Variants in UTP4 observed in about 807,000 individuals in gnomAD.
The protein encoded by UTP4 is U3 small nucleolar RNA-associated protein 4 homolog.
UTP4 carries 45 observed loss-of-function variants against 82.4 expected under a neutral mutation model. The ratio of observed to expected loss-of-function variants is 0.55; its 90% confidence interval spans 0.43 to 0.70. The LOEUF is 0.70. Among genes scored for constraint, UTP4 ranks in the 30% least tolerant of loss-of-function variants. UTP4 has a pLI of 0.00. For missense variants in UTP4, 819 were observed against 858.3 expected (o/e 0.95, Z 0.57); for synonymous variants, 348 against 300.3 (o/e 1.16, Z -1.64).
chr16:69,150,757 G>C, intron 7 of UTP4, 49 bp downstream of exon 7: 1 of 1,613,786 alleles, frequency 6.2e-7, no homozygotes, highest in Admixed American at 1.7e-5. Flanking sequence ...CCCAGTTCTG[G>C]CTGTTCTCGT....
At chr16:69,153,125 G>C (rs1351068195) in intron 8 of UTP4, among the ~76,000 whole-genome samples, 1 of 152,066 alleles carries the variant, frequency 6.6e-6, no homozygotes, top group African/African-American at 2.4e-5. Flanking sequence ...AGGTCTTTTT[G>C]TTCCCTCAAA....
chr16:69,134,297 C>G (rs963240456), intron 2 of UTP4, among the ~76,000 whole-genome samples: 1 of 150,884 alleles, frequency 6.6e-6, no homozygotes, highest in African/African-American at 2.4e-5. Flanking sequence ...TGCCCAGCAG[C>G]CTGGTACCTG....
intron 3 of UTP4, 41 bp downstream of exon 3, chr16:69,136,928 T>A: frequency 6.5e-7 from 1 of 1,546,376 alleles, no homozygotes; most frequent in Non-Finnish European, 8.9e-7. Flanking sequence ...AAAATTTCTC[T>A]CGTGCCTGCT....
intron 8 of UTP4, among the ~76,000 whole-genome samples, chr16:69,153,099 A>G (rs1963318866): frequency 6.6e-6 from 1 of 152,068 alleles, no homozygotes; most frequent in Non-Finnish European, 1.5e-5. Context: ...ACCCCCACCC[A>G]GGCTAGCCAT....
chr16:69,150,686 C>T lies in UTP4; in HGVS notation c.888C>T (p.Ser296=). The change falls in exon 7 of 17, where the codon AGC becomes AGT. Residue 296 remains serine, a synonymous_variant. Coordinates refer to ENST00000314423, the MANE Select transcript of UTP4 (RefSeq NM_032830.3). ...ATGACGTGCGCACTGTGGCCCACAG[C>T]CCAACAGCGCTGATATCTGGAGGTG... The part of the protein sequence containing the change: ...HTHDVRTVAH[S]PTALISGGTD... 1 of 1,614,214 alleles carries T rather than the reference C, an allele frequency of 6.2e-7. No individual in the cohort carries two copies. The highest frequency in any genetic ancestry group is 1.1e-5 in the South Asian group (1 of 91,084).
chr16:69,164,237 A>C (rs1963641353), intron 14 of UTP4, among the ~76,000 whole-genome samples: 1 of 152,022 alleles, frequency 6.6e-6, no homozygotes, highest in Non-Finnish European at 1.5e-5. Flanking sequence ...AAAAAGTGAA[A>C]TCTCTCAGTT....
At position 69,133,608 on chromosome 16, in the gene UTP4, T is replaced by A. The variant is rs2152275770; in HGVS notation, c.149T>A (p.Phe50Tyr). 6.2e-7 allele frequency: 1 copy of A among 1,614,104 alleles called. No homozygotes were observed. Among genetic ancestry groups the A allele is most frequent in the Admixed American group, 1.7e-5 (1 of 60,022 alleles). Residue 50 changes from phenylalanine (F) to tyrosine (Y), a missense_variant, in exon 2 of 17, where the codon TTT (phenylalanine) becomes TAT (tyrosine). Physicochemically the swap from Phe to Tyr is conservative, Grantham distance 22 (BLOSUM62 3). Coordinates refer to ENST00000314423, the MANE Select transcript of UTP4 (RefSeq NM_032830.3). The part of the protein sequence containing the change: ...VEIYNLSANY[F>Y]QEKFFPGHES... Reference sequence around the variant, plus strand: ...ATTTATAACTTGTCAGCAAACTACTTTCAGGAGAAAGTAAGTCATTTGGGA... The same window carrying A: ...ATTTATAACTTGTCAGCAAACTACTATCAGGAGAAAGTAAGTCATTTGGGA...
At chr16:69,154,567 A>G in intron 10 of UTP4, 110 bp downstream of exon 10, 2 of 864,012 alleles carry the variant, frequency 2.3e-6, no homozygotes, top group Admixed American at 1.9e-5. Flanking sequence ...TATAAATTCT[A>G]AAACTATTTG....
At chr16:69,151,393 C>G (rs1963264415) in intron 8 of UTP4, among the ~76,000 whole-genome samples, 1 of 150,740 alleles carries the variant, frequency 6.6e-6, no homozygotes, top group Non-Finnish European at 1.5e-5. Context: ...TGCGACTCCA[C>G]TCACTGCAAG....
chr16:69,132,900 T>C (rs1460353781), intron 1 of UTP4: 1 of 209,220 alleles, frequency 4.8e-6, no homozygotes, highest in Non-Finnish European at 9.7e-6. Flanking sequence ...CGAACGCGCT[T>C]GCTCTGTCTG....
chr16:69,149,183 C>A (rs1362613351), intron 6 of UTP4, among the ~76,000 whole-genome samples: 1 of 151,946 alleles, frequency 6.6e-6, no homozygotes, highest in East Asian at 1.9e-4. Context: ...AGTTTGAGAC[C>A]AGCCTGGACA....
intron 6 of UTP4, among the ~76,000 whole-genome samples, chr16:69,147,257 A>G (rs1963144069): frequency 6.6e-6 from 1 of 151,316 alleles, no homozygotes; most frequent in Non-Finnish European, 1.5e-5. Context: ...TAAACCTACC[A>G]CTTTGGGAGG....
chr16:69,163,088 C>T lies in UTP4; in HGVS notation c.1557C>T (p.His519=). Reference sequence around the variant, plus strand: ...TGTCTGTTATTTGTTCCCAGCTTCACTGCACGGTGCCTGCTTACAATTTCC... The same window carrying T: ...TGTCTGTTATTTGTTCCCAGCTTCATTGCACGGTGCCTGCTTACAATTTCC... ...HVYNVKQLKL[H]CTVPAYNFPV... Residue 519 remains histidine (H), a synonymous_variant, in exon 14 of 17, where the codon CAC becomes CAT. Coordinates refer to ENST00000314423, the MANE Select transcript of UTP4 (RefSeq NM_032830.3). The T allele has an allele frequency of 6.2e-7, 1 of 1,613,722 alleles. No homozygotes were observed. Among genetic ancestry groups the T allele is most frequent in the South Asian group, 1.1e-5 (1 of 91,066 alleles).
At chr16:69,134,508 A>G (rs1386428242) in intron 2 of UTP4, among the ~76,000 whole-genome samples, 1 of 70,082 alleles carries the variant, frequency 1.4e-5, no homozygotes, top group Non-Finnish European at 3.0e-5. Context: ...AGGGAAGGCA[A>G]TTCAGAGAAT....
In UTP4 at chr16:69,168,826, A is replaced by G; in HGVS notation, c.1950A>G (p.Leu650=). 1 of 1,604,000 alleles carries G rather than the reference A, an allele frequency of 6.2e-7. No individual in the cohort carries two copies. Among genetic ancestry groups the G allele is most frequent in the Non-Finnish European group, 8.5e-7 (1 of 1,170,970 alleles). Reference sequence around the variant, plus strand: ...TAATTATCATCCCTCTGCAGCCTCTACTCTTCATGGATCTTTTGGATGAAA... The same window carrying G: ...TAATTATCATCCCTCTGCAGCCTCTGCTCTTCATGGATCTTTTGGATGAAA... ...AFKISKIYKP[L]LFMDLLDERT... The change falls in exon 17 of 17, where the codon CTA becomes CTG. Residue 650 remains leucine (L), a synonymous_variant. Coordinates refer to ENST00000314423, the MANE Select transcript of UTP4 (RefSeq NM_032830.3).
chr16:69,147,602 A>G (rs574175965), intron 6 of UTP4, among the ~76,000 whole-genome samples: 1 of 152,288 alleles, frequency 6.6e-6, no homozygotes, highest in South Asian at 2.1e-4. Flanking sequence ...TGGAACCAGA[A>G]GTGTTTCAGA....
rs2152280347 is a variant in UTP4 at position 69,150,905 on chromosome 16, G to A, written c.1002+1G>A. ...TCTCCGAAAAATCACCTTTCCCCACGTAAGTGTCCATTCCAAGCCCCTGCT... is the reference window on the plus strand; with the variant it reads ...TCTCCGAAAAATCACCTTTCCCCACATAAGTGTCCATTCCAAGCCCCTGCT... On this transcript the variant is annotated splice_donor_variant, in intron 8 of 16. Transcript: ENST00000314423. LOFTEE classifies it high-confidence loss of function. 1.2e-6 allele frequency: 2 copies of A among 1,610,350 alleles called. No homozygotes were observed. Among genetic ancestry groups the A allele is most frequent in the Non-Finnish European group, 1.7e-6 (2 of 1,177,450 alleles).
chr16:69,135,686 A>C (rs953067946), intron 2 of UTP4, among the ~76,000 whole-genome samples: 3 of 152,194 alleles, frequency 2.0e-5, no homozygotes, highest in African/African-American at 7.2e-5. Context: ...ACTGCACTCC[A>C]GTCTGGGTGA....
At chr16:69,144,317 G>C (rs1050884988) in intron 6 of UTP4, among the ~76,000 whole-genome samples, 10 of 152,010 alleles carry the variant, frequency 6.6e-5, no homozygotes, top group African/African-American at 2.4e-4. Context: ...TCCTGCCTCA[G>C]CCTCCGAAGT....
Sources: gnomAD v4.1 joint callset for allele counts (sites outside exome capture counted in the v4.1 genomes callset) on GRCh38, gnomAD v4.1.1 for gene constraint, MANE v1.5 for transcripts, NCBI Gene and HGNC (gene_info 2026-07-23, HGNC 2026-07-21) for gene names.